The following MFAP5 variants were observed in gnomAD, a reference collection of about 807,000 sequenced individuals.
The protein encoded by MFAP5 is microfibrillar-associated protein 5.
In MFAP5, 19 loss-of-function variants were observed where a neutral mutation model predicts 30.1. The observed-to-expected ratio is 0.63, with a 90% CI of 0.44 to 0.93. The LOEUF is 0.93. Among genes scored for constraint, MFAP5 ranks in the 40% least tolerant of loss-of-function variants. MFAP5 has a pLI of 0.00. For synonymous variants in MFAP5, 92 were observed against 72.9 expected (o/e 1.26, Z -1.33); for missense variants, 210 against 221.3 (o/e 0.95, Z 0.32).
chr12:8,653,360 G>A (rs1009885702), intron 6 of MFAP5, among the ~76,000 whole-genome samples: 2 of 152,070 alleles, frequency 1.3e-5, no homozygotes, highest in South Asian at 2.1e-4. Context: ...GGTTCCAGGC[G>A]ATCAATCACG....
Position 8,654,460 on chromosome 12 carries a change from A to C in MFAP5, c.194T>G (p.Ile65Ser). ...ACCCAAGTCATCTGTGGAAGGTGCA[A>C]TATCAGCCAAAACAGCCAAAACTGA... ...DETVLAVLADIAPSTDDLASL... is the reference protein window; with the variant it reads ...DETVLAVLADSAPSTDDLASL... The change falls in exon 6 of 10, where the codon ATT becomes AGT. Residue 65 changes from isoleucine to serine, a missense_variant. Ile to Ser is a moderately radical substitution (Grantham distance 142, BLOSUM62 -2). Transcript: ENST00000359478. The C allele has an allele frequency of 6.9e-6, 11 of 1,604,376 alleles. No homozygotes were observed. The highest frequency in any genetic ancestry group is 9.4e-6 in the Non-Finnish European group (11 of 1,175,544).
intron 5 of MFAP5, 130 bp from the exon 6 acceptor site, chr12:8,654,611 G>T: frequency 1.3e-6 from 1 of 779,950 alleles, no homozygotes; most frequent in Non-Finnish European, 2.1e-6. Context: ...TTATGTATAA[G>T]GGAATAGAAT....
At chr12:8,651,548 G>T in intron 7 of MFAP5, 114 bp downstream of exon 7, 1 of 1,081,676 alleles carries the variant, frequency 9.2e-7, no homozygotes, top group Non-Finnish European at 1.4e-6. Flanking sequence ...TACTCTTTGA[G>T]AAATAATTGG....
At position 8,660,878 on chromosome 12, in the gene MFAP5, T is replaced by G; in HGVS notation, c.79A>C (p.Asn27His). The G allele has an allele frequency of 3.1e-6, 5 of 1,613,068 alleles. No homozygotes were observed. The highest frequency in any genetic ancestry group is 3.4e-6 in the Non-Finnish European group (4 of 1,179,144). ...ITSDWIPLGV[N>H]SQRGDDVTQA... ...GTTCACCTACCTCCTCGTTGACTATTGACCCCCAGGGGTATCCAGTCTATA... is the reference window on the plus strand; with the variant it reads ...GTTCACCTACCTCCTCGTTGACTATGGACCCCCAGGGGTATCCAGTCTATA... Residue 27 changes from asparagine (N) to histidine (H), a missense_variant, in exon 3 of 10, where the codon AAT becomes CAT. By Grantham distance (68) the Asn-to-His change is moderately conservative. Transcript: ENST00000359478.
rs11359613 is a variant in MFAP5, at chr12:8,656,059, CTT to C, written c.95-231_95-230del. ...CATTGTGATTTTGACATTCATAATT[CTT>C]TTTTTTTTTTTTTTTTTGAGACGGA... On this transcript the variant is annotated intron_variant, in intron 3 of 9. Coordinates refer to ENST00000359478, the MANE Select transcript of MFAP5 (RefSeq NM_003480.4). 7.7e-3 allele frequency among the ~76,000 whole-genome samples: 871 copies of C among 113,802 alleles called. 7 individuals carry two copies. The highest frequency in any genetic ancestry group is 0.025 in the African/African-American group (756 of 30,092). 74.7% of individuals were successfully genotyped at this position (113,802 alleles called of 152,430 possible). A position where few individuals can be genotyped will look rare whatever the true frequency, so the allele number is the denominator to read the frequency against.
chr12:8,647,879 C>A lies in MFAP5; in HGVS notation c.*212G>T. 2.5e-6 allele frequency: 1 copy of A among 396,710 alleles called. No individual in the cohort carries two copies. 24.6% of individuals were successfully genotyped at this position (396,710 alleles called of 1,614,324 possible). ...GATATTGAGAAGCAGCAAAATTATG[C>A]AATAATATAGACTTTGTATTTTAAG... On this transcript the variant is annotated 3_prime_UTR_variant, in exon 10 of 10. Coordinates refer to ENST00000359478, the MANE Select transcript of MFAP5 (RefSeq NM_003480.4).
In MFAP5 at chr12:8,650,498, T is replaced by C. The variant is rs764801456; in HGVS notation, c.335+4A>G. The stretch of plus-strand genomic sequence containing the variant: ...TGCTTTTTGGGCATTCTGGGATCCC[T>C]TACCTGGTGAAGCATAACTGATGAA... On this transcript the variant is annotated splice_donor_region_variant and intron_variant, in intron 8 of 9. Coordinates refer to ENST00000359478, the MANE Select transcript of MFAP5 (RefSeq NM_003480.4). 1.9e-5 allele frequency: 30 copies of C among 1,612,946 alleles called. No individual in the cohort carries two copies. The Middle Eastern group carries it at 6.6e-4, about 35-fold the overall frequency.
chr12:8,660,749 C>CTTTTT, intron 3 of MFAP5, 114 bp downstream of exon 3: 2 of 650,162 alleles, frequency 3.1e-6, no homozygotes, highest in African/African-American at 2.1e-5. Context: ...AGGAAATATT[C>CTTTTT]TTTTTTTTTT....
Position 8,649,554 on chromosome 12 carries a change from A to T in MFAP5, c.356T>A (p.Val119Asp), listed in dbSNP as rs752036635. ...AAGACGAGAGCAGATCTCCTTGTTG[A>T]CGATGTACATACGTCGTAAACTGCA... Reference protein sequence around the residue: ...CFTSLRRMYIVNKEICSRLVC... With the variant: ...CFTSLRRMYIDNKEICSRLVC... Residue 119 changes from valine to aspartate, a missense_variant, in exon 9 of 10, where the codon GTC becomes GAC. Val to Asp is a radical substitution (Grantham distance 152, BLOSUM62 -3). Coordinates refer to ENST00000359478, the MANE Select transcript of MFAP5 (RefSeq NM_003480.4). The T allele has an allele frequency of 2.5e-6, 4 of 1,614,040 alleles. No homozygotes were observed. In the South Asian group the frequency reaches 4.4e-5, roughly 18 times the overall value.
chr12:8,655,281 C>T (rs1204656818), intron 5 of MFAP5, 134 bp downstream of exon 5: 6 of 905,450 alleles, frequency 6.6e-6, no homozygotes, highest in African/African-American at 1.7e-5. Flanking sequence ...ATGAGACTCC[C>T]TCTCAAAAAC....
chr12:8,660,928 A>G (rs1301123941), intron 2 of MFAP5, 30 bp from the exon 3 acceptor site: 1 of 1,586,970 alleles, frequency 6.3e-7, no homozygotes, highest in South Asian at 1.1e-5. Flanking sequence ...AAGAGATGTG[A>G]GTGACTGCAG....
At chr12:8,655,662 C>T (rs894693620) in intron 4 of MFAP5, 124 bp downstream of exon 4, 27 of 1,171,994 alleles carry the variant, frequency 2.3e-5, no homozygotes, top group Admixed American at 1.3e-4. Flanking sequence ...GACAACAGAA[C>T]TCTGCATGAG....
At chr12:8,660,538 C>T (rs1322111731) in intron 3 of MFAP5, among the ~76,000 whole-genome samples, 1 of 151,804 alleles carries the variant, frequency 6.6e-6, no homozygotes, top group Admixed American at 6.6e-5. Flanking sequence ...TTTGTAAGGA[C>T]TAGTAAGCAT....
In MFAP5 at chr12:8,654,421, C is replaced by G; in HGVS notation, c.217+16G>C. 1 of 1,592,944 alleles carries G rather than the reference C, an allele frequency of 6.3e-7. No homozygotes were observed. The highest frequency in any genetic ancestry group is 8.6e-7 in the Non-Finnish European group (1 of 1,169,134). ...GAATGGCCCTGATGACCTGGGGGTC[C>G]CAGATCTGAACTCACCCAAGTCATC... On this transcript the variant is annotated intron_variant, in intron 6 of 9. Coordinates refer to ENST00000359478, the MANE Select transcript of MFAP5 (RefSeq NM_003480.4).
rs552513581 is a variant in MFAP5, at chr12:8,647,803, T to C, written c.*288A>G. On this transcript the variant is annotated 3_prime_UTR_variant, in exon 10 of 10. Coordinates refer to ENST00000359478, the MANE Select transcript of MFAP5 (RefSeq NM_003480.4). Reference sequence around the variant, plus strand: ...GTTTAGTCTCCCTTGAAATTGTACATAGAATGTTTGTATATAAGCCATATA... The same window carrying C: ...GTTTAGTCTCCCTTGAAATTGTACACAGAATGTTTGTATATAAGCCATATA... 2.3e-3 allele frequency: 436 copies of C among 185,890 alleles called. No individual in the cohort carries two copies. Among genetic ancestry groups the C allele is most frequent in the Middle Eastern group, 4.2e-3 (2 of 476 alleles). 11.5% of individuals were successfully genotyped at this position (185,890 alleles called of 1,614,324 possible).
chr12:8,661,918 G>A, intron 2 of MFAP5, 129 bp downstream of exon 2: 1 of 914,014 alleles, frequency 1.1e-6, no homozygotes, highest in Non-Finnish European at 1.7e-6. Context: ...CTTCTAATAG[G>A]AATTCCAGAG....
Position 8,650,514 on chromosome 12 carries a change from A to G in MFAP5, c.323T>C (p.Leu108Ser). 2 of 1,614,030 alleles carry G rather than the reference A, an allele frequency of 1.2e-6. No individual in the cohort carries two copies. Among genetic ancestry groups the G allele is most frequent in the Non-Finnish European group, 1.7e-6 (2 of 1,179,910 alleles). ...TGGGATCCCTTACCTGGTGAAGCAT[A>G]ACTGATGAATGCATTGTTTAACCGG... is the stretch of plus-strand genomic sequence containing the variant. ...HRPVKQCIHQ[L>S]CFTSLRRMYI... Residue 108 changes from leucine to serine, a missense_variant, in exon 8 of 10, where the codon TTA (leucine) becomes TCA (serine). Physicochemically the swap from Leu to Ser is moderately radical, Grantham distance 145. Coordinates refer to ENST00000359478, the MANE Select transcript of MFAP5 (RefSeq NM_003480.4).
At chr12:8,650,119 C>A (rs1363637243) in intron 8 of MFAP5, among the ~76,000 whole-genome samples, 1 of 152,170 alleles carries the variant, frequency 6.6e-6, no homozygotes, top group African/African-American at 2.4e-5. Flanking sequence ...TTTAGTTATT[C>A]TTCTTAGTGA....
intron 5 of MFAP5, among the ~76,000 whole-genome samples, 165 bp from the exon 6 acceptor site, chr12:8,654,646 T>A (rs763895527): frequency 3.2e-4 from 48 of 152,238 alleles, no homozygotes; most frequent in African/African-American, 1.1e-3. Flanking sequence ...TAAATTTTTT[T>A]AAAGAATATT....
Sources: allele counts gnomAD v4.1 joint callset (sites outside exome capture counted in the v4.1 genomes callset), GRCh38; gene constraint gnomAD v4.1.1; transcripts MANE v1.5; gene names NCBI Gene and HGNC (gene_info 2026-07-23, HGNC 2026-07-21).